MYCBP2: variants seen among roughly 807,000 people sequenced by gnomAD.
The protein encoded by MYCBP2 is E3 ubiquitin-protein ligase MYCBP2.
MYCBP2 carries 120 observed loss-of-function variants against 525.3 expected under a neutral mutation model. That is an observed-to-expected ratio of 0.23 (90% confidence interval 0.20 to 0.27). MYCBP2 has a LOEUF of 0.27. Among genes scored for constraint, MYCBP2 ranks in the 10% least tolerant of loss-of-function variants. The pLI is 1.00. For synonymous variants in MYCBP2, 1,894 were observed against 1,955.8 expected (o/e 0.97, Z 0.83); for missense variants, 4,149 against 5,657.1 (o/e 0.73, Z 8.55).
chr13:77,166,952 T>C (rs1035293712), intron 40 of MYCBP2, among the ~76,000 whole-genome samples: 3 of 147,886 alleles, frequency 2.0e-5, no homozygotes, highest in Admixed American at 6.9e-5. Flanking sequence ...AGATGGGATA[T>C]ACTTCAAAGA....
At chr13:77,268,545 T>G (rs1594500905) in intron 7 of MYCBP2, among the ~76,000 whole-genome samples, 1 of 152,080 alleles carries the variant, frequency 6.6e-6, no homozygotes, top group African/African-American at 2.4e-5. Flanking sequence ...TTTGGGAGGC[T>G]GAGGCAGGTG....
Position 77,125,465 on chromosome 13 carries a change from T to C in MYCBP2, c.7888A>G (p.Thr2630Ala). ...TGCACCCATGTCCCTTCAGAATTGG[T>C]TACCTGGTACATAACAAAAAGCATG... Reference protein sequence around the residue: ...GNKVKAVGEVTNSEGTWVQLD... With the variant: ...GNKVKAVGEVANSEGTWVQLD... Residue 2630 changes from threonine (T) to alanine (A), a missense_variant, in exon 54 of 83, where the codon ACC (threonine) becomes GCC (alanine). By Grantham distance (58) the Thr-to-Ala change is moderately conservative. Transcript: ENST00000544440. 1 of 1,613,350 alleles carries C rather than the reference T, an allele frequency of 6.2e-7. No individual in the cohort carries two copies.
chr13:77,262,301 A>C (rs1316024413), intron 10 of MYCBP2, among the ~76,000 whole-genome samples, 172 bp from the exon 11 acceptor site: 1 of 152,096 alleles, frequency 6.6e-6, no homozygotes, highest in Non-Finnish European at 1.5e-5. Context: ...ATAGTACTCC[A>C]AGGAAAGATA....
At chr13:77,245,744 AACAC>A (rs71102727) in intron 15 of MYCBP2, among the ~76,000 whole-genome samples, 37,791 of 142,840 alleles carry the variant, frequency 0.26, 5,713 homozygotes, top group African/African-American at 0.41. Flanking sequence ...AACGTAAAGT[AACAC>A]ACACACACAC....
At chr13:77,239,123 A>G (rs1190133230) in intron 17 of MYCBP2, among the ~76,000 whole-genome samples, 3 of 152,222 alleles carry the variant, frequency 2.0e-5, no homozygotes, top group South Asian at 2.1e-4. Context: ...GTGACTCAAA[A>G]AAAAAGAACT....
At chr13:77,228,727 G>A (rs370430664) in intron 18 of MYCBP2, among the ~76,000 whole-genome samples, 3 of 136,032 alleles carry the variant, frequency 2.2e-5, no homozygotes, top group South Asian at 2.3e-4. Flanking sequence ...GTGTGTGTGT[G>A]TATACCATGT....
At chr13:77,163,044 TAG>T (rs1408541760) in intron 43 of MYCBP2, among the ~76,000 whole-genome samples, 3 of 152,188 alleles carry the variant, frequency 2.0e-5, no homozygotes, top group Non-Finnish European at 4.4e-5. Flanking sequence ...TTAGGCTGTA[TAG>T]GTCTACTTTT....
rs138515040 is a variant in MYCBP2 at position 77,095,298 on chromosome 13, T to C, written c.10199+60A>G. The C allele has an allele frequency of 2.4e-4, 385 of 1,588,010 alleles. 3 individuals carry two copies. The African/African-American group carries it at 4.4e-3, about 18-fold the overall frequency. ...GTCAAATACCGAACTACCCTAGATA[T>C]CAATAAACAATCGCTGTTAATCCAA... On this transcript the variant is annotated intron_variant, in intron 58 of 82. Transcript: ENST00000544440.
At chr13:77,154,594 G>A (rs1056218132) in intron 46 of MYCBP2, among the ~76,000 whole-genome samples, 3 of 151,940 alleles carry the variant, frequency 2.0e-5, no homozygotes, top group African/African-American at 4.8e-5. Context: ...TATCAGAAGC[G>A]TAACAGTATG....
chr13:77,095,297 A>G (rs1594482935), intron 58 of MYCBP2, 61 bp downstream of exon 58: 1 of 1,586,366 alleles, frequency 6.3e-7, no homozygotes, highest in South Asian at 1.1e-5. Context: ...TACCCTAGAT[A>G]TCAATAAACA....
intron 5 of MYCBP2, 91 bp downstream of exon 5, chr13:77,273,381 G>T: frequency 8.8e-7 from 1 of 1,132,062 alleles, no homozygotes; most frequent in East Asian, 2.5e-5. Context: ...TGTAATGAGT[G>T]AGAAAAAGCA....
At chr13:77,197,293 A>T (rs531510937) in intron 26 of MYCBP2, among the ~76,000 whole-genome samples, 2 of 152,312 alleles carry the variant, frequency 1.3e-5, no homozygotes, top group African/African-American at 4.8e-5. Flanking sequence ...TGGCTAGTCC[A>T]AGACAAATAC....
chr13:77,220,258 A>G (rs750611458), intron 20 of MYCBP2, among the ~76,000 whole-genome samples: 9 of 152,124 alleles, frequency 5.9e-5, no homozygotes, highest in Non-Finnish European at 1.0e-4. Flanking sequence ...GGGTGAAAAA[A>G]GAGTAAAAAA....
intron 52 of MYCBP2, 38 bp from the exon 53 acceptor site, chr13:77,126,580 CA>C: frequency 6.6e-7 from 1 of 1,504,270 alleles, no homozygotes; most frequent in Non-Finnish European, 9.1e-7. Flanking sequence ...AAACAAAATA[CA>C]ATCTATTATC....
In MYCBP2 at chr13:77,224,555, T is replaced by A. The variant is rs750548628; in HGVS notation, c.2858-23A>T. Reference sequence around the variant, plus strand: ...CCACTGCAACCAAAACACACAGCTTTATTTTTTCATTATATGCATTTTACA... The same window carrying A: ...CCACTGCAACCAAAACACACAGCTTAATTTTTTCATTATATGCATTTTACA... On this transcript the variant is annotated intron_variant, in intron 19 of 82. Coordinates refer to ENST00000544440, the MANE Select transcript of MYCBP2 (RefSeq NM_015057.5). 27 of 1,436,022 alleles carry A rather than the reference T, an allele frequency of 1.9e-5. No individual in the cohort carries two copies. In the Admixed American group the frequency reaches 4.7e-4, roughly 25 times the overall value. The allele number at this position is 1,436,022 out of a possible 1,614,324, so 89.0% of individuals were successfully genotyped here.
intron 3 of MYCBP2, among the ~76,000 whole-genome samples, chr13:77,287,345 G>A (rs963599220): frequency 1.3e-5 from 2 of 151,390 alleles, no homozygotes; most frequent in South Asian, 2.1e-4. Flanking sequence ...CCACAATGCC[G>A]GGCTAATTTT....
At chr13:77,153,300 G>C (rs2056765570) in intron 46 of MYCBP2, among the ~76,000 whole-genome samples, 1 of 152,094 alleles carries the variant, frequency 6.6e-6, no homozygotes. Context: ...CTGCTGTGGG[G>C]CTGGAGCCCA....
rs2154084846 is a variant in MYCBP2, at chr13:77,070,730, A to G, written c.11824-19T>C. The G allele has an allele frequency of 2.0e-6, 3 of 1,486,866 alleles. No homozygotes were observed. The highest frequency in any genetic ancestry group is 2.3e-5 in the East Asian group (1 of 42,992). 92.1% of individuals were successfully genotyped at this position (1,486,866 alleles called of 1,614,324 possible). Reference sequence around the variant, plus strand: ...ATGTTGCCTTTACATAGAAAAAGAAAAAAAAAAAAAAGAATGAAGTGGTCT... The same window carrying G: ...ATGTTGCCTTTACATAGAAAAAGAAGAAAAAAAAAAAGAATGAAGTGGTCT... On this transcript the variant is annotated intron_variant, in intron 68 of 82. Coordinates refer to ENST00000544440, the MANE Select transcript of MYCBP2 (RefSeq NM_015057.5).
chr13:77,261,315 T>C lies in MYCBP2; in HGVS notation c.1708A>G (p.Lys570Glu), dbSNP rs2073228175. Residue 570 changes from lysine (K) to glutamate (E), a missense_variant, in exon 12 of 83, where the codon AAA becomes GAA. Around this residue, in one of 21 missense-constraint regions of MYCBP2, gnomAD observed 262 missense variants for 419.3 expected, o/e 0.62. Coordinates refer to ENST00000544440, the MANE Select transcript of MYCBP2 (RefSeq NM_015057.5). Reference sequence around the variant, plus strand: ...TTTGTAATTGGTAGCTCAACCCATTTTCCTGCTGAAGGACCACCTTGTTTG... The same window carrying C: ...TTTGTAATTGGTAGCTCAACCCATTCTCCTGCTGAAGGACCACCTTGTTTG... ...GIKQGGPSAG[K>E]WVELPITKSP... 6 of 1,613,602 alleles carry C rather than the reference T, an allele frequency of 3.7e-6. No individual in the cohort carries two copies. The highest frequency in any genetic ancestry group is 5.1e-6 in the Non-Finnish European group (6 of 1,179,714).
Sources: gnomAD v4.1 joint callset for allele counts (sites outside exome capture counted in the v4.1 genomes callset) on GRCh38, gnomAD v4.1.1 for gene constraint, gnomAD v4.1.1 regional missense constraint, MANE v1.5 for transcripts, NCBI Gene and HGNC (gene_info 2026-07-23, HGNC 2026-07-21) for gene names.